ZNF106: variants seen among roughly 807,000 people sequenced by gnomAD.
ZNF106 encodes the protein zinc finger protein 106.
Under a neutral mutation model 195.1 loss-of-function variants are expected in ZNF106, and 67 were observed. That is an observed-to-expected ratio of 0.34 (90% confidence interval 0.28 to 0.42). ZNF106 has a LOEUF of 0.42. Among genes scored for constraint, ZNF106 ranks in the 10% least tolerant of loss-of-function variants. The pLI is 1.00. For missense variants in ZNF106, 2,118 were observed against 2,304.5 expected (o/e 0.92, Z 1.66); for synonymous variants, 784 against 818.6 (o/e 0.96, Z 0.72).
intron 14 of ZNF106, among the ~76,000 whole-genome samples, chr15:42,433,319 G>A (rs1013829313): frequency 5.3e-5 from 8 of 151,676 alleles, no homozygotes; most frequent in Admixed American, 1.3e-4. Context: ...GTTAGCCAGG[G>A]TGGTCCCGAT....
intron 1 of ZNF106, among the ~76,000 whole-genome samples, chr15:42,481,332 T>C (rs965453299): frequency 6.6e-6 from 1 of 150,888 alleles, no homozygotes; most frequent in Non-Finnish European, 1.5e-5. Flanking sequence ...CTTTATTTCA[T>C]ATTCTTTCTG....
chr15:42,434,257 T>A (rs1023704359), intron 14 of ZNF106, among the ~76,000 whole-genome samples: 7 of 152,044 alleles, frequency 4.6e-5, no homozygotes, highest in African/African-American at 1.7e-4. Flanking sequence ...GAGGCCAAGG[T>A]GGGAGGACTG....
intron 1 of ZNF106, among the ~76,000 whole-genome samples, chr15:42,483,896 C>T (rs2056956740): frequency 6.6e-6 from 1 of 152,126 alleles, no homozygotes; most frequent in South Asian, 2.1e-4. Flanking sequence ...ATGTCAGTTG[C>T]CTAGGAAAGC....
intron 1 of ZNF106, chr15:42,490,543 A>C (rs1320401551): frequency 6.6e-6 from 1 of 152,062 alleles, no homozygotes. Context: ...TGTTATTATC[A>C]AGACGCATCC....
intron 14 of ZNF106, among the ~76,000 whole-genome samples, chr15:42,433,254 T>C (rs985663644): frequency 5.3e-5 from 8 of 149,782 alleles, no homozygotes; most frequent in Admixed American, 2.7e-4. Flanking sequence ...TACAGGCGCC[T>C]GCCACCACGC....
intron 1 of ZNF106, among the ~76,000 whole-genome samples, chr15:42,475,564 T>C (rs748151646): frequency 6.6e-6 from 1 of 152,260 alleles, no homozygotes; most frequent in Non-Finnish European, 1.5e-5. Flanking sequence ...CCTTTGTGGA[T>C]AGGTACAGTA....
rs1308489995 is a variant in ZNF106 at position 42,414,392 on chromosome 15, G to C, written c.*2912C>G. ...TCATTTGGGGTAACACACTAATCTG[G>C]TGTTAAAAGAATTTCATGTGTTCTT... On this transcript the variant is annotated 3_prime_UTR_variant, in exon 22 of 22. Coordinates refer to ENST00000564754, the MANE Select transcript of ZNF106 (RefSeq NM_001366845.3). The C allele has an allele frequency of 6.6e-6, 1 of 152,186 alleles. No individual in the cohort carries two copies. The highest frequency in any genetic ancestry group is 1.5e-5 in the Non-Finnish European group (1 of 68,048). The allele number at this position is 152,186 out of a possible 1,614,324, so 9.4% of individuals were successfully genotyped here.
In ZNF106 at chr15:42,469,422, T is replaced by C. The variant is rs776759302; in HGVS notation, c.54+2814A>G. ...TTATCACCCACTAATAGTTTTAATG[T>C]GACTTTTGTTTTTTTTAAAACACTT... On this transcript the variant is annotated intron_variant, in intron 2 of 21. Coordinates refer to ENST00000564754, the MANE Select transcript of ZNF106 (RefSeq NM_001366845.3). Among the ~76,000 whole-genome samples the C allele has an allele frequency of 5.8e-4, 88 of 152,338 alleles. 1 individual carries two copies. Among genetic ancestry groups the C allele is most frequent in the Non-Finnish European group, 9.0e-4 (61 of 68,032 alleles).
intron 14 of ZNF106, among the ~76,000 whole-genome samples, chr15:42,434,260 G>T (rs1337329935): frequency 6.6e-6 from 1 of 152,178 alleles, no homozygotes; most frequent in Non-Finnish European, 1.5e-5. Context: ...GCCAAGGTGG[G>T]AGGACTGCCT....
At chr15:42,424,706 C>T in intron 16 of ZNF106, 128 bp downstream of exon 16, 1 of 932,310 alleles carries the variant, frequency 1.1e-6, no homozygotes, top group Non-Finnish European at 1.6e-6. Context: ...TCTCGAACTT[C>T]TGAGCTCAAG....
chr15:42,452,776 C>A (rs1331440623), intron 4 of ZNF106, among the ~76,000 whole-genome samples: 6 of 147,278 alleles, frequency 4.1e-5, no homozygotes, highest in Middle Eastern at 3.6e-3. Flanking sequence ...ACCTCTGTCT[C>A]CCAGGCTCAA....
At chr15:42,424,229 C>T (rs946146726) in intron 16 of ZNF106, 169 bp from the exon 17 acceptor site, 1 of 585,946 alleles carries the variant, frequency 1.7e-6, no homozygotes, top group East Asian at 2.8e-5. Flanking sequence ...CTTACACCCC[C>T]CTACCAAGCA....
chr15:42,427,867 A>G (rs2054910626), intron 15 of ZNF106, 151 bp downstream of exon 15: 2 of 612,712 alleles, frequency 3.3e-6, no homozygotes, highest in East Asian at 5.4e-5. Context: ...TTTCACTTAC[A>G]TCAGAAGATA....
In ZNF106 at chr15:42,421,928, G is replaced by T; in HGVS notation, c.5434C>A (p.His1812Asn). 1 of 1,555,494 alleles carries T rather than the reference G, an allele frequency of 6.4e-7. No individual in the cohort carries two copies. The highest frequency in any genetic ancestry group is 8.8e-7 in the Non-Finnish European group (1 of 1,142,836). ...HKDMIMCMTI[H>N]KSMIYTGCYD... Reference sequence around the variant, plus strand: ...CAAATAACACTCACCATGCTTTTATGGATGGTCATACACATAATCATGTCT... The same window carrying T: ...CAAATAACACTCACCATGCTTTTATTGATGGTCATACACATAATCATGTCT... The change falls in exon 19 of 22, where the codon CAT becomes AAT. Residue 1812 changes from histidine (H) to asparagine (N), a missense_variant. Transcript: ENST00000564754.
chr15:42,451,637 C>T lies in ZNF106; in HGVS notation c.635G>A (p.Ser212Asn). 6.2e-7 allele frequency: 1 copy of T among 1,614,172 alleles called. No homozygotes were observed. Among genetic ancestry groups the T allele is most frequent in the Non-Finnish European group, 8.5e-7 (1 of 1,180,026 alleles). The change falls in exon 5 of 22, where the codon AGT becomes AAT. Residue 212 changes from serine (S) to asparagine (N), a missense_variant. Physicochemically the swap from Ser to Asn is conservative, Grantham distance 46. Coordinates refer to ENST00000564754, the MANE Select transcript of ZNF106 (RefSeq NM_001366845.3). ...ATTATGATTCCAATCTACTGCTCCA[C>T]TATTTGAAAGCCAACCACCTCCAGA... Reference protein sequence around the residue: ...SNSGGGWLSNSGAVDWNHNGT... With the variant: ...SNSGGGWLSNNGAVDWNHNGT...
At position 42,421,920 on chromosome 15, in the gene ZNF106, G is replaced by A. The variant is rs1427828447; in HGVS notation, c.5442C>T (p.Ser1814=). Residue 1814 remains serine, a synonymous_variant, in exon 19 of 22, where the codon AGC becomes AGT. Transcript: ENST00000564754. ...DMIMCMTIHK[S]MIYTGCYDGS... ...TTACATGACAAATAACACTCACCAT[G>A]CTTTTATGGATGGTCATACACATAA... The A allele has an allele frequency of 1.9e-6, 3 of 1,547,568 alleles. No individual in the cohort carries two copies. The highest frequency in any genetic ancestry group is 1.7e-5 in the Admixed American group (1 of 57,732).
chr15:42,444,684 C>A, intron 8 of ZNF106, 143 bp downstream of exon 8: 1 of 986,628 alleles, frequency 1.0e-6, no homozygotes, highest in Non-Finnish European at 1.5e-6. Context: ...CCTAACTGTC[C>A]CCCATTAGGC....
rs1050730695 is a variant in ZNF106 at position 42,412,951 on chromosome 15, G to T, written c.*4353C>A. 5.3e-5 allele frequency: 8 copies of T among 152,064 alleles called. No homozygotes were observed. Among genetic ancestry groups the T allele is most frequent in the African/African-American group, 1.9e-4 (8 of 41,370 alleles). The allele number at this position is 152,064 out of a possible 1,614,324, so 9.4% of individuals were successfully genotyped here. On this transcript the variant is annotated 3_prime_UTR_variant, in exon 22 of 22. Coordinates refer to ENST00000564754, the MANE Select transcript of ZNF106 (RefSeq NM_001366845.3). ...TGCTTATAAACATTTTTGCAGTCAG[G>T]TGTCATCTGATTTCATTCTTCTAAT...
Position 42,450,027 on chromosome 15 carries a change from C to G in ZNF106, c.2245G>C (p.Ala749Pro). Residue 749 changes from alanine (A) to proline (P), a missense_variant, in exon 5 of 22, where the codon GCC becomes CCC. Ala to Pro is a conservative substitution (Grantham distance 27). Coordinates refer to ENST00000564754, the MANE Select transcript of ZNF106 (RefSeq NM_001366845.3). ...CGGGTTAGATCCCTCTGAAGTGAGGCAGGAAAGCCAAGCTTACTTAGTTCA... is the reference window on the plus strand; with the variant it reads ...CGGGTTAGATCCCTCTGAAGTGAGGGAGGAAAGCCAAGCTTACTTAGTTCA... ...LPELSKLGFP[A>P]SLQRDLTRHI... 1.9e-6 allele frequency: 3 copies of G among 1,614,186 alleles called. No homozygotes were observed. The highest frequency in any genetic ancestry group is 2.5e-6 in the Non-Finnish European group (3 of 1,180,040).
Sources: allele counts gnomAD v4.1 joint callset (sites outside exome capture counted in the v4.1 genomes callset), GRCh38; gene constraint gnomAD v4.1.1; transcripts MANE v1.5; gene names NCBI Gene and HGNC (gene_info 2026-07-23, HGNC 2026-07-21).